The following MYRIP variants were observed in gnomAD, a reference collection of about 807,000 sequenced individuals.
MYRIP encodes the protein myosin VIIA and Rab interacting protein, also known as rab effector MyRIP.
In MYRIP, 49 loss-of-function variants were observed where a neutral mutation model predicts 98.0. That is an observed-to-expected ratio of 0.50 (90% confidence interval 0.40 to 0.63). MYRIP has a LOEUF of 0.63. Among genes scored for constraint, MYRIP ranks in the 30% least tolerant of loss-of-function variants. The pLI is 0.00. For missense variants in MYRIP, 1,004 were observed against 1,058.2 expected (o/e 0.95, Z 0.71); for synonymous variants, 404 against 409.5 (o/e 0.99, Z 0.16).
intron 1 of MYRIP, among the ~76,000 whole-genome samples, chr3:39,832,491 T>A (rs1025142438): frequency 6.6e-6 from 1 of 152,150 alleles, no homozygotes; most frequent in Non-Finnish European, 1.5e-5. Flanking sequence ...ATATTTACCA[T>A]CAGATAAATT....
intron 2 of MYRIP, among the ~76,000 whole-genome samples, chr3:40,029,802 G>A (rs1221445850): frequency 1.3e-5 from 2 of 152,090 alleles, no homozygotes; most frequent in African/African-American, 4.8e-5. Context: ...GCTCATGCCT[G>A]TAATCCCAGT....
At chr3:40,068,392 T>C (rs767174493) in intron 3 of MYRIP, among the ~76,000 whole-genome samples, 1 of 152,228 alleles carries the variant, frequency 6.6e-6, no homozygotes, top group Non-Finnish European at 1.5e-5. Context: ...TTTGGATGTT[T>C]TTCTCTGGCT....
At chr3:39,974,350 G>A (rs925453560) in intron 2 of MYRIP, among the ~76,000 whole-genome samples, 4 of 152,104 alleles carry the variant, frequency 2.6e-5, no homozygotes, top group African/African-American at 9.7e-5. Context: ...GACTAAACCA[G>A]GAGGAAGTCG....
intron 2 of MYRIP, among the ~76,000 whole-genome samples, chr3:39,958,910 AC>A (rs1945246295): frequency 6.6e-6 from 1 of 152,246 alleles, no homozygotes; most frequent in Non-Finnish European, 1.5e-5. Flanking sequence ...TATGCAGCCA[AC>A]AGACACATGA....
chr3:39,985,968 T>G (rs4676549), intron 2 of MYRIP, among the ~76,000 whole-genome samples: 42,539 of 151,854 alleles, frequency 0.28, 6,553 homozygotes, highest in Non-Finnish European at 0.35. Context: ...GGGATCTAAT[T>G]AAACTAAAGA....
At chr3:40,039,924 T>G (rs892632070) in intron 2 of MYRIP, among the ~76,000 whole-genome samples, 4 of 152,028 alleles carry the variant, frequency 2.6e-5, no homozygotes, top group Non-Finnish European at 2.9e-5. Context: ...CTTCCTAGCT[T>G]TTGGTGGCTG....
At chr3:40,006,046 T>A (rs1328952558) in intron 2 of MYRIP, among the ~76,000 whole-genome samples, 1 of 152,106 alleles carries the variant, frequency 6.6e-6, no homozygotes, top group African/African-American at 2.4e-5. Context: ...GGAGGGATCA[T>A]GAGGGAAGGT....
chr3:40,135,894 G>A (rs1232193143), intron 3 of MYRIP, among the ~76,000 whole-genome samples: 1 of 152,124 alleles, frequency 6.6e-6, no homozygotes, highest in Non-Finnish European at 1.5e-5. Flanking sequence ...CACTAAACAT[G>A]GAAAGGAACA....
At chr3:39,906,248 T>C (rs1032832125) in intron 2 of MYRIP, among the ~76,000 whole-genome samples, 1 of 152,118 alleles carries the variant, frequency 6.6e-6, no homozygotes, top group Non-Finnish European at 1.5e-5. Context: ...TCACCCTGAC[T>C]TTTCCTTCAT....
chr3:39,921,137 A>G (rs1390523714), intron 2 of MYRIP, among the ~76,000 whole-genome samples: 2 of 152,256 alleles, frequency 1.3e-5, no homozygotes, highest in African/African-American at 4.8e-5. Context: ...TAGAGAGAAT[A>G]TTCAAGAATA....
At chr3:39,886,027 C>T (rs986721952) in intron 1 of MYRIP, among the ~76,000 whole-genome samples, 1 of 152,092 alleles carries the variant, frequency 6.6e-6, no homozygotes, top group Non-Finnish European at 1.5e-5. Context: ...CAGCTTTGTT[C>T]CATTGCTGGT....
chr3:40,015,556 C>G (rs1946845633), intron 2 of MYRIP, among the ~76,000 whole-genome samples: 1 of 152,180 alleles, frequency 6.6e-6, no homozygotes, highest in South Asian at 2.1e-4. Context: ...CTAGGGGGCC[C>G]TGCATTCCCC....
chr3:39,945,051 A>T (rs1301326085), intron 2 of MYRIP, among the ~76,000 whole-genome samples: 1 of 152,090 alleles, frequency 6.6e-6, no homozygotes, highest in Non-Finnish European at 1.5e-5. Context: ...AAAGTCAGAG[A>T]TGACTTGGTT....
At chr3:40,205,803 AT>A (rs11426045) in intron 10 of MYRIP, among the ~76,000 whole-genome samples, 3,127 of 147,188 alleles carry the variant, frequency 0.021, 41 homozygotes, top group Admixed American at 0.046. Context: ...GTAGAAGAGC[AT>A]TTTTTTTTTG....
At chr3:40,175,930 C>T (rs1350733469) in intron 8 of MYRIP, among the ~76,000 whole-genome samples, 3 of 152,210 alleles carry the variant, frequency 2.0e-5, no homozygotes, top group Non-Finnish European at 4.4e-5. Context: ...AGTAATGCCC[C>T]CTGGGGATGT....
chr3:39,809,216 T>G (rs953816135), upstream of MYRIP, among the ~76,000 whole-genome samples: 2 of 151,948 alleles, frequency 1.3e-5, no homozygotes, highest in African/African-American at 4.8e-5. Flanking sequence ...CCCCCAGGAC[T>G]CAGAGGCAGG....
At chr3:40,167,653 C>T (rs1950526480) in intron 7 of MYRIP, among the ~76,000 whole-genome samples, 1 of 152,222 alleles carries the variant, frequency 6.6e-6, no homozygotes. Flanking sequence ...TCCCACAAGA[C>T]TGCCCCTACT....
chr3:40,132,138 G>A (rs1008775418), intron 3 of MYRIP, among the ~76,000 whole-genome samples: 1 of 151,916 alleles, frequency 6.6e-6, no homozygotes. Context: ...GGGAATTAGG[G>A]AAGACATTGA....
intron 8 of MYRIP, among the ~76,000 whole-genome samples, chr3:40,179,176 A>G (rs1202260535): frequency 2.0e-5 from 3 of 152,162 alleles, no homozygotes; most frequent in Non-Finnish European, 4.4e-5. Flanking sequence ...CTTGTAATGA[A>G]TTTGTGGCAG....
Sources: allele counts gnomAD v4.1 joint callset (sites outside exome capture counted in the v4.1 genomes callset), GRCh38; gene constraint gnomAD v4.1.1; transcripts MANE v1.5; gene names NCBI Gene and HGNC (gene_info 2026-07-23, HGNC 2026-07-21).